Variants in ATP8B4 observed in about 807,000 individuals in gnomAD.
ATP8B4 encodes the protein probable phospholipid-transporting ATPase IM.
A neutral mutation model predicts 145.6 loss-of-function variants in ATP8B4; 133 were observed. The observed-to-expected ratio is 0.91, with a 90% CI of 0.79 to 1.05. ATP8B4 has a LOEUF of 1.05. Among genes scored for constraint, ATP8B4 ranks in the 50% least tolerant of loss-of-function variants. ATP8B4 has a pLI of 0.00. For missense variants in ATP8B4, 1,458 were observed against 1,425.2 expected, an observed-to-expected ratio of 1.02 and a Z score of -0.37; for synonymous variants, 507 against 492.9, an observed-to-expected ratio of 1.03 and a Z score of -0.38.
At chr15:50,109,657 T>C (rs1027693391) in intron 1 of ATP8B4, among the ~76,000 whole-genome samples, 1 of 151,786 alleles carries the variant, frequency 6.6e-6, no homozygotes, top group African/African-American at 2.4e-5. Context: ...AAGGGGACTC[T>C]ACACCCAAAC....
chr15:49,942,534 A>G (rs1259683671), intron 14 of ATP8B4, among the ~76,000 whole-genome samples: 1 of 152,156 alleles, frequency 6.6e-6, no homozygotes, highest in African/African-American at 2.4e-5. Flanking sequence ...GGGGTAAAAA[A>G]GAAACTACAG....
At chr15:50,081,946 T>TA (rs1354348232) in intron 2 of ATP8B4, among the ~76,000 whole-genome samples, 1 of 152,192 alleles carries the variant, frequency 6.6e-6, no homozygotes, top group Non-Finnish European at 1.5e-5. Context: ...TAAAGACTGA[T>TA]ATTTCCTGAG....
At chr15:49,937,790 A>G (rs1020988669) in intron 14 of ATP8B4, among the ~76,000 whole-genome samples, 2 of 152,216 alleles carry the variant, frequency 1.3e-5, no homozygotes, top group Non-Finnish European at 2.9e-5. Flanking sequence ...TTCAGGATAT[A>G]TCAGCCATTC....
chr15:50,087,756 T>C (rs1217203833), intron 2 of ATP8B4, among the ~76,000 whole-genome samples: 1 of 151,938 alleles, frequency 6.6e-6, no homozygotes, highest in Non-Finnish European at 1.5e-5. Flanking sequence ...AAGGTGAAAA[T>C]TTTTTCTAAG....
At position 50,023,797 on chromosome 15, in the gene ATP8B4, GA is replaced by G. The variant is rs1260432604; in HGVS notation, c.363-12881del. On this transcript the variant is annotated intron_variant, in intron 6 of 27. Coordinates refer to ENST00000284509, the MANE Select transcript of ATP8B4 (RefSeq NM_024837.4). ...CCAAAGGCAAAAAAAAAAAAAAAAA[GA>G]AAAAAAAGAAAAAAAAAAAGCCTTT... Among the ~76,000 whole-genome samples, 43 of 91,610 alleles carry G rather than the reference GA, an allele frequency of 4.7e-4. 1 individual carries two copies. The East Asian group carries it at 0.011, about 24-fold the overall frequency. The allele number at this position is 91,610 out of a possible 152,430, so 60.1% of individuals were successfully genotyped here.
chr15:50,138,474 C>T (rs5025069), intron 1 of ATP8B4, among the ~76,000 whole-genome samples: 73,472 of 151,446 alleles, frequency 0.49, 20,177 homozygotes, highest in Middle Eastern at 0.65. Flanking sequence ...GATAGATAGA[C>T]AGACAGATAG....
rs1419132320 is a variant in ATP8B4, at chr15:49,966,755, C to G, written c.1244-4735G>C. Among the ~76,000 whole-genome samples, 3 of 152,364 alleles carry G rather than the reference C, an allele frequency of 2.0e-5. No individual in the cohort carries two copies. In the East Asian group the frequency reaches 5.8e-4, roughly 29 times the overall value. ...GAGAGCAGCAGATCTCCCAGCACAG[C>G]ACTCCAGCTCTGCTAAGGGACAGAC... On this transcript the variant is annotated intron_variant, in intron 13 of 27. Transcript: ENST00000284509.
At chr15:50,061,106 C>T (rs1251334408) in intron 3 of ATP8B4, among the ~76,000 whole-genome samples, 1 of 151,960 alleles carries the variant, frequency 6.6e-6, no homozygotes, top group Non-Finnish European at 1.5e-5. Flanking sequence ...GAGATTTAGG[C>T]TAGAAGTACA....
At chr15:49,976,815 A>T (rs907767783) in intron 12 of ATP8B4, among the ~76,000 whole-genome samples, 1 of 152,134 alleles carries the variant, frequency 6.6e-6, no homozygotes, top group African/African-American at 2.4e-5. Context: ...AATAGCAGAG[A>T]AAAGGAGAAA....
intron 20 of ATP8B4, among the ~76,000 whole-genome samples, chr15:49,914,773 T>C (rs2039568589): frequency 6.6e-6 from 1 of 152,186 alleles, no homozygotes; most frequent in South Asian, 2.1e-4. Context: ...AGATGTGATT[T>C]TATTTCAGCT....
At chr15:50,058,420 CTAG>C (rs1440798118) in intron 3 of ATP8B4, among the ~76,000 whole-genome samples, 4 of 152,036 alleles carry the variant, frequency 2.6e-5, no homozygotes, top group African/African-American at 9.7e-5. Flanking sequence ...AGTCTGGGAA[CTAG>C]GCCAAATTTC....
intron 23 of ATP8B4, among the ~76,000 whole-genome samples, chr15:49,886,089 T>C (rs2036150990): frequency 6.6e-6 from 1 of 152,148 alleles, no homozygotes; most frequent in Non-Finnish European, 1.5e-5. Context: ...CAATTATTTA[T>C]ATGCTGGTTC....
chr15:49,978,779 C>CAT (rs1390923591), intron 12 of ATP8B4, among the ~76,000 whole-genome samples: 2 of 145,888 alleles, frequency 1.4e-5, no homozygotes, highest in Non-Finnish European at 3.0e-5. Context: ...CACACACACA[C>CAT]ACACACATGC....
chr15:49,947,224 A>G (rs28861197), intron 14 of ATP8B4, among the ~76,000 whole-genome samples: 23,526 of 151,992 alleles, frequency 0.15, 3,015 homozygotes, highest in African/African-American at 0.35. Context: ...CGAAGTCAGG[A>G]GATTGAGACC....
intron 2 of ATP8B4, among the ~76,000 whole-genome samples, chr15:50,098,091 A>G (rs77506505): frequency 0.029 from 4,415 of 152,150 alleles, 69 homozygotes; most frequent in South Asian, 0.064. Context: ...CAGAATATTA[A>G]CAGAGCCTTG....
At chr15:49,989,773 C>T (rs2046907793) in intron 9 of ATP8B4, among the ~76,000 whole-genome samples, 2 of 152,104 alleles carry the variant, frequency 1.3e-5, no homozygotes, top group African/African-American at 4.8e-5. Flanking sequence ...TTTTTATCAT[C>T]AGAAGTGCTC....
chr15:50,048,225 G>A (rs1301452165), intron 3 of ATP8B4, among the ~76,000 whole-genome samples: 2 of 151,908 alleles, frequency 1.3e-5, no homozygotes, highest in Non-Finnish European at 2.9e-5. Flanking sequence ...CACACCTGAG[G>A]GACCACCCAA....
chr15:49,963,314 G>T (rs1567090326), intron 13 of ATP8B4, among the ~76,000 whole-genome samples: 1 of 152,044 alleles, frequency 6.6e-6, no homozygotes. Context: ...TCTTACAGTG[G>T]GACTGGAAAT....
At position 49,898,104 on chromosome 15, in the gene ATP8B4, T is replaced by C; in HGVS notation, c.2437A>G (p.Ile813Val). The C allele has an allele frequency of 6.2e-6, 10 of 1,613,866 alleles. No homozygotes were observed. Among genetic ancestry groups the C allele is most frequent in the Non-Finnish European group, 8.5e-6 (10 of 1,179,854 alleles). The change falls in exon 22 of 28, where the codon ATT becomes GTT. Residue 813 changes from isoleucine (I) to valine (V), a missense_variant. Physicochemically the swap from Ile to Val is conservative, Grantham distance 29. Coordinates refer to ENST00000284509, the MANE Select transcript of ATP8B4 (RefSeq NM_024837.4). ...KKYRNAVTLA[I>V]GDGANDVSMI... ...CTGACATCATTGGCTCCATCACCAA[T>C]GGCCAAAGTAACAGCATTTCTGTAC...
Sources: gnomAD v4.1 joint callset for allele counts (sites outside exome capture counted in the v4.1 genomes callset) on GRCh38, gnomAD v4.1.1 for gene constraint, MANE v1.5 for transcripts, NCBI Gene and HGNC (gene_info 2026-07-23, HGNC 2026-07-21) for gene names.